KHDRBS2: variants seen among roughly 807,000 people sequenced by gnomAD.
KHDRBS2 encodes the protein KH domain-containing, RNA-binding, signal transduction-associated protein 2.
Under a neutral mutation model 44.3 loss-of-function variants are expected in KHDRBS2, and 26 were observed. That is an observed-to-expected ratio of 0.59 (90% CI 0.43 to 0.81). The LOEUF is 0.81. KHDRBS2 is among the 40% of genes least tolerant of loss of function. The pLI, the probability that KHDRBS2 is intolerant of heterozygous loss-of-function variation, is 0.00. For synonymous variants in KHDRBS2, 194 were observed against 151.1 expected (o/e 1.28, Z -2.08); for missense variants, 476 against 433.1 (o/e 1.10, Z -0.88).
the KHDRBS2 span, among the ~76,000 whole-genome samples, chr6:61,643,630 T>C: frequency 1.3e-5 from 2 of 152,080 alleles, no homozygotes; most frequent in Non-Finnish European, 2.9e-5. Flanking sequence ...ATGAAATCAA[T>C]GTACAAAAAT....
chr6:62,129,249 G>C (rs1175559676), intron 2 of KHDRBS2, among the ~76,000 whole-genome samples: 2 of 152,050 alleles, frequency 1.3e-5, no homozygotes, highest in African/African-American at 4.8e-5. Context: ...CTTGATTAAA[G>C]ATTTATAGAA....
chr6:61,831,209 C>A (rs1440729405), intron 6 of KHDRBS2, among the ~76,000 whole-genome samples: 1 of 152,040 alleles, frequency 6.6e-6, no homozygotes, highest in Non-Finnish European at 1.5e-5. Context: ...GAACTCAGAG[C>A]TTTAAAGGAC....
At chr6:61,661,916 C>T in the KHDRBS2 span, among the ~76,000 whole-genome samples, 1 of 151,662 alleles carries the variant, frequency 6.6e-6, no homozygotes, top group African/African-American at 2.4e-5. Context: ...TCATATGGAA[C>T]CAAAAAAGAG....
intron 2 of KHDRBS2, among the ~76,000 whole-genome samples, chr6:62,089,818 AT>A (rs1035418531): frequency 6.6e-6 from 1 of 152,162 alleles, no homozygotes; most frequent in Non-Finnish European, 1.5e-5. Flanking sequence ...AAGTAATTAC[AT>A]TTTTTGAAGA....
the KHDRBS2 span, among the ~76,000 whole-genome samples, chr6:61,548,467 G>C: frequency 6.6e-6 from 1 of 152,106 alleles, no homozygotes; most frequent in African/African-American, 2.4e-5. Flanking sequence ...TTTCTACCAA[G>C]ATCTCAAGGG....
At chr6:61,883,963 C>T (rs1368613380) in intron 6 of KHDRBS2, among the ~76,000 whole-genome samples, 4 of 152,048 alleles carry the variant, frequency 2.6e-5, no homozygotes, top group African/African-American at 4.8e-5. Flanking sequence ...ACACAAAAAG[C>T]CACACGTGGC....
At chr6:61,840,595 A>G (rs1185472117) in intron 6 of KHDRBS2, among the ~76,000 whole-genome samples, 1 of 152,118 alleles carries the variant, frequency 6.6e-6, no homozygotes, top group Non-Finnish European at 1.5e-5. Flanking sequence ...CTTTCTAAAG[A>G]CAAGGGCAAC....
chr6:62,127,243 G>C (rs1265138791), intron 2 of KHDRBS2, among the ~76,000 whole-genome samples: 1 of 152,136 alleles, frequency 6.6e-6, no homozygotes, highest in Non-Finnish European at 1.5e-5. Context: ...TTTGAAGATA[G>C]AGATAGATAT....
the KHDRBS2 span, among the ~76,000 whole-genome samples, chr6:61,644,750 T>TA: frequency 2.0e-5 from 3 of 151,932 alleles, no homozygotes; most frequent in Non-Finnish European, 4.4e-5. Flanking sequence ...ATCAAAAAAA[T>TA]AAAGAGATAC....
chr6:62,204,608 T>G (rs1276502859), intron 1 of KHDRBS2, among the ~76,000 whole-genome samples: 1 of 152,156 alleles, frequency 6.6e-6, no homozygotes, highest in Non-Finnish European at 1.5e-5. Flanking sequence ...ATTTTCAGAT[T>G]TGGGATGCCC....
chr6:61,958,777 ATTCTC>A (rs1767990933), intron 4 of KHDRBS2, among the ~76,000 whole-genome samples: 1 of 152,052 alleles, frequency 6.6e-6, no homozygotes, highest in African/African-American at 2.4e-5. Context: ...TTCTGTCTTT[ATTCTC>A]TGCTCTGTTG....
At chr6:62,276,094 T>C (rs901438843) in intron 1 of KHDRBS2, among the ~76,000 whole-genome samples, 1 of 152,188 alleles carries the variant, frequency 6.6e-6, no homozygotes, top group African/African-American at 2.4e-5. Flanking sequence ...ATGAACCTGC[T>C]AAAAATATCT....
intron 2 of KHDRBS2, among the ~76,000 whole-genome samples, chr6:62,173,143 G>A (rs1390454326): frequency 6.6e-6 from 1 of 151,226 alleles, no homozygotes; most frequent in Non-Finnish European, 1.5e-5. Context: ...TCGCGTCCAG[G>A]AGTTGGTTCG....
chr6:62,002,111 C>T (rs1380875796), intron 3 of KHDRBS2, among the ~76,000 whole-genome samples: 3 of 151,676 alleles, frequency 2.0e-5, no homozygotes, highest in Admixed American at 6.6e-5. Context: ...TCAGAAAGTG[C>T]ACACATTTGA....
chr6:62,234,398 T>C (rs1299092824), intron 1 of KHDRBS2, among the ~76,000 whole-genome samples: 1 of 152,132 alleles, frequency 6.6e-6, no homozygotes. Flanking sequence ...TGAAAGTAAT[T>C]TATTCAATCA....
At chr6:61,857,456 T>A (rs1019498994) in intron 6 of KHDRBS2, among the ~76,000 whole-genome samples, 6 of 151,946 alleles carry the variant, frequency 3.9e-5, no homozygotes, top group African/African-American at 1.4e-4. Context: ...GAGGAAATTT[T>A]TTTTTTCAAA....
intron 4 of KHDRBS2, among the ~76,000 whole-genome samples, chr6:61,970,007 C>T (rs1002388227): frequency 1.3e-4 from 20 of 151,170 alleles, no homozygotes; most frequent in Non-Finnish European, 2.8e-4. Flanking sequence ...ACAGAGAAAA[C>T]GAAGAAAGGG....
At chr6:61,786,615 G>T (rs1783855005) in intron 6 of KHDRBS2, among the ~76,000 whole-genome samples, 1 of 151,912 alleles carries the variant, frequency 6.6e-6, no homozygotes, top group Non-Finnish European at 1.5e-5. Flanking sequence ...CTTGAGGTGG[G>T]TCTTGCAAGC....
At chr6:62,032,963 A>G (rs191449331) in intron 3 of KHDRBS2, among the ~76,000 whole-genome samples, 1 of 152,026 alleles carries the variant, frequency 6.6e-6, no homozygotes, top group Non-Finnish European at 1.5e-5. Flanking sequence ...AATGAAATTC[A>G]AGATAACACA....
Sources: allele counts gnomAD v4.1 joint callset (sites outside exome capture counted in the v4.1 genomes callset), GRCh38; gene constraint gnomAD v4.1.1; transcripts MANE v1.5; gene names NCBI Gene and HGNC (gene_info 2026-07-23, HGNC 2026-07-21).